KIF17: variants seen among roughly 807,000 people sequenced by gnomAD.
KIF17 encodes kinesin-like protein KIF17.
KIF17 carries 80 observed loss-of-function variants against 96.8 expected under a neutral mutation model. The observed-to-expected ratio is 0.83, with a 90% CI of 0.69 to 1.00. KIF17 has a LOEUF of 1.00. KIF17 is among the 50% of genes least tolerant of loss of function. The pLI is 0.00. For synonymous variants in KIF17, 567 were observed against 587.5 expected (o/e 0.97, Z 0.51); for missense variants, 1,280 against 1,372.9 (o/e 0.93, Z 1.07).
chr1:20,688,039 T>A, intron 7 of KIF17, 95 bp from the exon 8 acceptor site: 1 of 1,138,998 alleles, frequency 8.8e-7, no homozygotes, highest in South Asian at 1.3e-5. Context: ...TTGTTTTTTT[T>A]GTTTGTTTTT....
chr1:20,678,577 A>G (rs2053776812), intron 11 of KIF17, among the ~76,000 whole-genome samples: 1 of 152,126 alleles, frequency 6.6e-6, no homozygotes, highest in African/African-American at 2.4e-5. Flanking sequence ...CTGAAGACAG[A>G]GAACGCTGGA....
At position 20,712,718 on chromosome 1, in the gene KIF17, AT is replaced by A. The variant is rs1360301149; in HGVS notation, c.480+735del. On this transcript the variant is annotated intron_variant, in intron 3 of 14. Transcript: ENST00000400463. ...ATAGATAATATTATCTATATATAAA[AT>A]TATATTATATCTATATATATTATAT... Among the ~76,000 whole-genome samples the A allele has an allele frequency of 3.1e-4, 18 of 58,476 alleles. 2 individuals are homozygous for A. Among genetic ancestry groups the A allele is most frequent in the South Asian group, 6.3e-4 (1 of 1,596 alleles). 38.4% of individuals were successfully genotyped at this position (58,476 alleles called of 152,430 possible).
At chr1:20,714,816 C>T (rs200717010) in intron 2 of KIF17, among the ~76,000 whole-genome samples, 2 of 99,154 alleles carry the variant, frequency 2.0e-5, no homozygotes, top group African/African-American at 7.3e-5. Flanking sequence ...AAAAAAAAAA[C>T]ACCTGAGGCC....
intron 7 of KIF17, among the ~76,000 whole-genome samples, chr1:20,688,961 A>C (rs1466469549): frequency 6.6e-6 from 1 of 152,124 alleles, no homozygotes; most frequent in African/African-American, 2.4e-5. Flanking sequence ...GGCGCCTCTC[A>C]TACCTCCCAC....
chr1:20,712,969 T>A (rs184831944), intron 3 of KIF17, among the ~76,000 whole-genome samples: 2 of 136,878 alleles, frequency 1.5e-5, no homozygotes, highest in Admixed American at 1.6e-4. Flanking sequence ...TATATATATA[T>A]TATCTATATA....
intron 6 of KIF17, chr1:20,692,776 C>CT (rs35531322): frequency 0.067 from 9,402 of 139,384 alleles, 536 homozygotes; most frequent in East Asian, 0.36. Context: ...GGGACTCTTT[C>CT]TTTTTTTTTT....
At chr1:20,701,527 C>A (rs368630041) in intron 5 of KIF17, among the ~76,000 whole-genome samples, 1 of 152,176 alleles carries the variant, frequency 6.6e-6, no homozygotes, top group African/African-American at 2.4e-5. Flanking sequence ...GGGACCCAGG[C>A]GAAGCCACCT....
chr1:20,669,568 TAA>T (rs375627294), intron 13 of KIF17, among the ~76,000 whole-genome samples: 19 of 84,920 alleles, frequency 2.2e-4, no homozygotes, highest in African/African-American at 6.2e-4. Flanking sequence ...TAATAATAAA[TAA>T]AATAAAATAA....
intron 11 of KIF17, among the ~76,000 whole-genome samples, chr1:20,677,647 A>C (rs1467108667): frequency 6.6e-6 from 1 of 152,202 alleles, no homozygotes. Context: ...TGAGATCAGG[A>C]GTTCAAGACC....
intron 10 of KIF17, among the ~76,000 whole-genome samples, chr1:20,683,539 C>G (rs1386505585): frequency 6.6e-6 from 1 of 152,174 alleles, no homozygotes; most frequent in Non-Finnish European, 1.5e-5. Context: ...CCTGTAATCC[C>G]AGCTACTTGG....
intron 13 of KIF17, among the ~76,000 whole-genome samples, chr1:20,668,712 A>C (rs368503152): frequency 6.6e-6 from 1 of 152,184 alleles, no homozygotes; most frequent in East Asian, 1.9e-4. Context: ...AGAATCAGCT[A>C]ATTATGGCAT....
rs767729742 is a variant in KIF17, at chr1:20,682,790, C to T, written c.2326G>A (p.Glu776Lys). Residue 776 changes from glutamate (E) to lysine (K), a missense_variant, in exon 11 of 15, where the codon GAG (glutamate) becomes AAG (lysine). By Grantham distance (56) the Glu-to-Lys change is moderately conservative. Transcript: ENST00000400463. ...GCAGCCACCAGCTGCTTCCTGCGCT[C>T]GTCTGCGTAGCGCTTGCGCCGCTTG... The part of the protein sequence containing the change: ...KHKRRKRYAD[E>K]RRKQLVAALQ... 2.3e-5 allele frequency: 37 copies of T among 1,612,742 alleles called. No homozygotes were observed. The highest frequency in any genetic ancestry group is 8.3e-5 in the Admixed American group (5 of 60,014).
chr1:20,690,350 G>GT lies in KIF17; in HGVS notation c.1234-16_1234-15insA. ...TCTTCATACTCCTGGGGGGGTGGGA[G>GT]GGACCAGAGGGCAGGCAGCATTTTA... On this transcript the variant is annotated splice_polypyrimidine_tract_variant and intron_variant, in intron 6 of 14. Coordinates refer to ENST00000400463, the MANE Select transcript of KIF17 (RefSeq NM_001122819.3). 3 of 620,224 alleles carry GT rather than the reference G, an allele frequency of 4.8e-6. No individual in the cohort carries two copies. Among genetic ancestry groups the GT allele is most frequent in the Non-Finnish European group, 8.8e-6 (3 of 342,326 alleles). The allele number at this position is 620,224 out of a possible 1,614,324, so 38.4% of individuals were successfully genotyped here. A position where few individuals can be genotyped will look rare whatever the true frequency, so the allele number is the denominator to read the frequency against.
chr1:20,666,348 G>A lies in KIF17; in HGVS notation c.2791-17C>T. ...GTCGTCCTCCTGCCGAGATGCAGAT[G>A]CCCGTGGTCACGTCCCCTTGTTTGT... On this transcript the variant is annotated splice_polypyrimidine_tract_variant and intron_variant, in intron 13 of 14. Transcript: ENST00000400463. 6.3e-7 allele frequency: 1 copy of A among 1,587,614 alleles called. No individual in the cohort carries two copies. The highest frequency in any genetic ancestry group is 8.7e-7 in the Non-Finnish European group (1 of 1,155,680).
At chr1:20,693,160 G>T (rs575644230) in intron 6 of KIF17, 1 of 151,792 alleles carries the variant, frequency 6.6e-6, no homozygotes. Context: ...CCTTGGAAGA[G>T]AATCTCCTCT....
chr1:20,706,066 G>A (rs968708566), intron 4 of KIF17, among the ~76,000 whole-genome samples: 46 of 151,226 alleles, frequency 3.0e-4, no homozygotes, highest in Admixed American at 2.2e-3. Context: ...ACATCACCAC[G>A]CCTGGCTAAT....
Position 20,665,558 on chromosome 1 carries a change from G to A in KIF17, c.2908+656C>T, listed in dbSNP as rs551259735. Among the ~76,000 whole-genome samples the A allele has an allele frequency of 2.0e-4, 30 of 151,752 alleles. No individual in the cohort carries two copies. In the South Asian group the frequency reaches 3.3e-3, roughly 17 times the overall value. ...GGGATTACAGGCACACGCCACTACC[G>A]CCCGGCTAATTTTTGTATTTTTAGT... On this transcript the variant is annotated intron_variant, in intron 14 of 14. Transcript: ENST00000400463.
intron 4 of KIF17, among the ~76,000 whole-genome samples, chr1:20,707,455 A>T: frequency 8.6e-6 from 1 of 115,968 alleles, no homozygotes; most frequent in East Asian, 2.7e-4. Flanking sequence ...AGTTATGTTT[A>T]AAACATTCAC....
At position 20,682,802 on chromosome 1, in the gene KIF17, G is replaced by A. The variant is rs768156873; in HGVS notation, c.2314C>T (p.Arg772Cys). ...DLKEKHKRRKRYADERRKQLV... is the reference protein window; with the variant it reads ...DLKEKHKRRKCYADERRKQLV... ...TGCTTCCTGCGCTCGTCTGCGTAGC[G>A]CTTGCGCCGCTTGTGCTTCTCCTTC... The change falls in exon 11 of 15, where the codon CGC becomes TGC. Residue 772 changes from arginine (R) to cysteine (C), a missense_variant. Arg to Cys is a radical substitution (Grantham distance 180). Transcript: ENST00000400463. The A allele has an allele frequency of 6.2e-6, 10 of 1,612,472 alleles. No homozygotes were observed. The highest frequency in any genetic ancestry group is 1.6e-4 in the Middle Eastern group (1 of 6,084).
Sources: allele counts gnomAD v4.1 joint callset (sites outside exome capture counted in the v4.1 genomes callset), GRCh38; gene constraint gnomAD v4.1.1; transcripts MANE v1.5; gene names NCBI Gene and HGNC (gene_info 2026-07-23, HGNC 2026-07-21).